The following EHD3 variants were observed in gnomAD, a reference collection of about 807,000 sequenced individuals.
EHD3 encodes EH domain-containing protein 3.
A neutral mutation model predicts 43.0 loss-of-function variants in EHD3; 17 were observed. The ratio of observed to expected loss-of-function variants is 0.40; its 90% CI spans 0.27 to 0.59. The LOEUF is 0.59. EHD3 is among the 20% of genes least tolerant of loss of function. EHD3 has a pLI of 0.49. For synonymous variants in EHD3, 313 were observed against 289.5 expected, an observed-to-expected ratio of 1.08 and a Z score of -0.82; for missense variants, 594 against 705.6, an observed-to-expected ratio of 0.84 and a Z score of 1.79.
intron 1 of EHD3, among the ~76,000 whole-genome samples, chr2:31,241,123 C>T (rs111273271): frequency 2.6e-5 from 4 of 152,312 alleles, no homozygotes; most frequent in African/African-American, 9.6e-5. Flanking sequence ...AGCAGGGAAC[C>T]CCACAGCTGA....
rs72861144 is a variant in EHD3, at chr2:31,257,835, C to T, written c.503-2675C>T. 5.5e-3 allele frequency among the ~76,000 whole-genome samples: 841 copies of T among 152,198 alleles called. 8 individuals are homozygous for T. Among genetic ancestry groups the T allele is most frequent in the South Asian group, 0.028 (135 of 4,816 alleles). Reference sequence around the variant, plus strand: ...ACTTTCCTGGGCCTTGTCTCTGAGCCGAGACAGGACACCTGTGTTCAAAAG... The same window carrying T: ...ACTTTCCTGGGCCTTGTCTCTGAGCTGAGACAGGACACCTGTGTTCAAAAG... On this transcript the variant is annotated intron_variant, in intron 3 of 5. Transcript: ENST00000322054.
chr2:31,243,436 C>A (rs1409749522), intron 1 of EHD3, among the ~76,000 whole-genome samples: 1 of 90,292 alleles, frequency 1.1e-5, no homozygotes, highest in East Asian at 4.1e-4. Context: ...TTCTTTCTTT[C>A]TTTCTTTCTT....
At chr2:31,256,622 G>GGGCAGGGACAGGGATA (rs1683757863) in intron 3 of EHD3, among the ~76,000 whole-genome samples, 1 of 152,212 alleles carries the variant, frequency 6.6e-6, no homozygotes, top group Non-Finnish European at 1.5e-5. Context: ...AGACCACTGA[G>GGGCAGGGACAGGGATA]GGCAGGGACA....
intron 3 of EHD3, among the ~76,000 whole-genome samples, chr2:31,257,455 G>GAGGGAGGC (rs1178486955): frequency 6.6e-6 from 1 of 151,416 alleles, no homozygotes; most frequent in Admixed American, 6.6e-5. Context: ...GGGAGGGAGG[G>GAGGGAGGC]AGGGAGGCAG....
chr2:31,240,193 A>G (rs1325413111), intron 1 of EHD3, among the ~76,000 whole-genome samples: 1 of 152,108 alleles, frequency 6.6e-6, no homozygotes, highest in East Asian at 1.9e-4. Context: ...CTCAAACCCC[A>G]TGAGGCCGAC....
rs184409696 is a variant in EHD3 at position 31,253,905 on chromosome 2, G to C, written c.502+4437G>C. Among the ~76,000 whole-genome samples, 843 of 152,280 alleles carry C rather than the reference G, an allele frequency of 5.5e-3. 5 individuals carry two copies. The highest frequency in any genetic ancestry group is 0.014 in the Middle Eastern group (4 of 294). On this transcript the variant is annotated intron_variant, in intron 3 of 5. Transcript: ENST00000322054. ...GCCTGGCTCATTACTGGGAAGAAGTGAGGATGCAGCAGGAGTGGGAGGGCT... is the reference window on the plus strand; with the variant it reads ...GCCTGGCTCATTACTGGGAAGAAGTCAGGATGCAGCAGGAGTGGGAGGGCT...
At chr2:31,251,229 T>A (rs889353498) in intron 3 of EHD3, among the ~76,000 whole-genome samples, 1 of 152,178 alleles carries the variant, frequency 6.6e-6, no homozygotes, top group Non-Finnish European at 1.5e-5. Flanking sequence ...TCTCTTCTGA[T>A]GAGGGCAGGT....
intron 1 of EHD3, among the ~76,000 whole-genome samples, chr2:31,236,935 A>G (rs1272701745): frequency 6.6e-6 from 1 of 152,204 alleles, no homozygotes; most frequent in Non-Finnish European, 1.5e-5. Flanking sequence ...GGCAGAGTCA[A>G]ATTGCCACAG....
At chr2:31,255,279 A>C (rs968330277) in intron 3 of EHD3, among the ~76,000 whole-genome samples, 3 of 152,166 alleles carry the variant, frequency 2.0e-5, no homozygotes, top group African/African-American at 7.2e-5. Flanking sequence ...GGGCTGCCGC[A>C]GGTGCCCAAG....
chr2:31,234,518 G>T lies in EHD3; in HGVS notation c.-104G>T. On this transcript the variant is annotated 5_prime_UTR_variant, in exon 1 of 6. Transcript: ENST00000322054. ...CGGCTGAGCCCCGCGCTTGGGTGAG[G>T]CGGCGGCGCGGCTCGGAGCCCGGCG... The T allele has an allele frequency of 1.5e-6, 2 of 1,339,916 alleles. No homozygotes were observed. Among genetic ancestry groups the T allele is most frequent in the Non-Finnish European group, 2.1e-6 (2 of 974,828 alleles). The allele number at this position is 1,339,916 out of a possible 1,614,324, so 83.0% of individuals were successfully genotyped here.
At chr2:31,256,454 C>G (rs544124043) in intron 3 of EHD3, among the ~76,000 whole-genome samples, 2 of 152,342 alleles carry the variant, frequency 1.3e-5, no homozygotes, top group Non-Finnish European at 2.9e-5. Context: ...TTCCGTTCAG[C>G]AAATACTGAT....
At chr2:31,257,696 G>T (rs1291348621) in intron 3 of EHD3, among the ~76,000 whole-genome samples, 1 of 152,200 alleles carries the variant, frequency 6.6e-6, no homozygotes, top group Non-Finnish European at 1.5e-5. Context: ...GAGGCTAGGG[G>T]TCGTGTCTCA....
intron 5 of EHD3, 72 bp downstream of exon 5, chr2:31,261,785 G>T (rs1031996055): frequency 6.4e-7 from 1 of 1,562,982 alleles, no homozygotes; most frequent in South Asian, 1.2e-5. Context: ...GAGTATGGAG[G>T]AGGCCACTCT....
At chr2:31,242,431 C>T (rs1316866631) in intron 1 of EHD3, among the ~76,000 whole-genome samples, 3 of 152,230 alleles carry the variant, frequency 2.0e-5, no homozygotes, top group African/African-American at 7.2e-5. Context: ...CATTTAAAAA[C>T]ATAGCACAAT....
chr2:31,242,537 A>G (rs755668305), intron 1 of EHD3, among the ~76,000 whole-genome samples: 1 of 152,236 alleles, frequency 6.6e-6, no homozygotes, highest in African/African-American at 2.4e-5. Flanking sequence ...TTTGCTGAAC[A>G]TACCTATTTT....
chr2:31,243,287 A>T (rs1261580693), intron 1 of EHD3, among the ~76,000 whole-genome samples: 1 of 152,104 alleles, frequency 6.6e-6, no homozygotes, highest in African/African-American at 2.4e-5. Flanking sequence ...CAGCAAGATA[A>T]ATAAATAAGA....
Position 31,266,757 on chromosome 2 carries a change from T to C in EHD3, c.*53T>C. On this transcript the variant is annotated 3_prime_UTR_variant, in exon 6 of 6. Coordinates refer to ENST00000322054, the MANE Select transcript of EHD3 (RefSeq NM_014600.3). This position sits in a 1 kb window ranked among gnomAD's most constrained non-coding sequence, Gnocchi z 5.1. ...GTGTTAGAGGAGGAGATGGGAGCGGTGACTACACACACACACACACACACA... is the reference window on the plus strand; with the variant it reads ...GTGTTAGAGGAGGAGATGGGAGCGGCGACTACACACACACACACACACACA... The C allele has an allele frequency of 6.8e-7, 1 of 1,459,920 alleles. No homozygotes were observed. The highest frequency in any genetic ancestry group is 9.2e-7 in the Non-Finnish European group (1 of 1,085,922). 90.4% of individuals were successfully genotyped at this position (1,459,920 alleles called of 1,614,324 possible).
intron 2 of EHD3, among the ~76,000 whole-genome samples, chr2:31,248,724 C>G (rs576841933): frequency 7.9e-4 from 121 of 152,304 alleles, no homozygotes; most frequent in African/African-American, 2.7e-3. Flanking sequence ...AGCCTGTTAT[C>G]TTGCACAGAG....
At chr2:31,240,510 C>T (rs1281908103) in intron 1 of EHD3, among the ~76,000 whole-genome samples, 1 of 152,216 alleles carries the variant, frequency 6.6e-6, no homozygotes. Context: ...CCTGGACTTG[C>T]TGGTGGCCTC....
Sources: allele counts gnomAD v4.1 joint callset (sites outside exome capture counted in the v4.1 genomes callset), GRCh38; gene constraint gnomAD v4.1.1; non-coding constraint Gnocchi (gnomAD v3.1); transcripts MANE v1.5; gene names NCBI Gene and HGNC (gene_info 2026-07-23, HGNC 2026-07-21).